The following GRIK2 variants were observed in gnomAD, a reference collection of about 807,000 sequenced individuals.
GRIK2 encodes the protein glutamate ionotropic receptor kainate type subunit 2, also known as glutamate receptor ionotropic, kainate 2.
Under a neutral mutation model 100.3 loss-of-function variants are expected in GRIK2, and 32 were observed. The observed-to-expected ratio is 0.32, with a 90% CI of 0.24 to 0.43. The LOEUF is 0.43. Ranked by LOEUF, GRIK2 falls within the 20% of genes least tolerant of loss-of-function variation. The probability of loss-of-function intolerance (pLI) is 1.00; values close to 1 mark genes in which losing one functional copy is unlikely to be tolerated. For synonymous variants in GRIK2, 417 were observed against 389.4 expected, an observed-to-expected ratio of 1.07 and a Z score of -0.83; for missense variants, 843 against 1,114.9, an observed-to-expected ratio of 0.76 and a Z score of 3.47.
Position 101,557,940 on chromosome 6 carries a change from C to T in GRIK2, c.116-64009C>T, listed in dbSNP as rs546242233. ...TTCCTTCCCTTATTCATTGGCTGAA[C>T]TGCAGGAAACTTTTGGTTTTCTTAA... On this transcript the variant is annotated intron_variant, in intron 2 of 16. Transcript: ENST00000369134. 4.1e-4 allele frequency among the ~76,000 whole-genome samples: 62 copies of T among 152,260 alleles called. 2 individuals carry two copies. The South Asian group carries it at 4.8e-3, about 12-fold the overall frequency.
chr6:101,719,056 GAAC>G (rs1774267486), intron 7 of GRIK2, among the ~76,000 whole-genome samples: 1 of 144,748 alleles, frequency 6.9e-6, no homozygotes, highest in East Asian at 2.1e-4. Flanking sequence ...TACTTTCAAA[GAAC>G]AATATATATG....
At chr6:101,450,048 T>G (rs889895923) in intron 2 of GRIK2, among the ~76,000 whole-genome samples, 2 of 151,764 alleles carry the variant, frequency 1.3e-5, no homozygotes, top group African/African-American at 4.8e-5. Context: ...ATCAATACAT[T>G]GACTACTTGA....
At chr6:101,981,462 TC>T (rs1435506978) in intron 14 of GRIK2, among the ~76,000 whole-genome samples, 19 of 151,886 alleles carry the variant, frequency 1.3e-4, no homozygotes, top group Non-Finnish European at 2.9e-5. Context: ...CAACTGAGCA[TC>T]CTCACTATCC....
chr6:101,882,283 A>G (rs1374874779), intron 11 of GRIK2, among the ~76,000 whole-genome samples: 2 of 152,120 alleles, frequency 1.3e-5, no homozygotes, highest in East Asian at 3.9e-4. Context: ...TAGTATAGAG[A>G]AATATTAATA....
chr6:101,994,742 T>C (rs1794561364), intron 14 of GRIK2, among the ~76,000 whole-genome samples: 1 of 151,882 alleles, frequency 6.6e-6, no homozygotes, highest in African/African-American at 2.4e-5. Context: ...TGCCCCATTT[T>C]TTCCAGAAAA....
intron 7 of GRIK2, among the ~76,000 whole-genome samples, chr6:101,700,165 A>G (rs978034976): frequency 2.6e-5 from 4 of 151,856 alleles, no homozygotes; most frequent in African/African-American, 7.3e-5. Flanking sequence ...ACAAACAAAC[A>G]AACAAAAATC....
At chr6:101,851,671 T>G (rs4839804) in intron 10 of GRIK2, among the ~76,000 whole-genome samples, 16,472 of 151,840 alleles carry the variant, frequency 0.11, 1,928 homozygotes, top group East Asian at 0.66. Context: ...TTTGTGTATT[T>G]TATATTTACT....
intron 4 of GRIK2, among the ~76,000 whole-genome samples, chr6:101,651,543 A>C (rs1222085866): frequency 2.0e-5 from 3 of 152,214 alleles, no homozygotes; most frequent in Non-Finnish European, 2.9e-5. Context: ...GCAACAGAAA[A>C]AAATAGAGCA....
chr6:101,981,829 T>C (rs1403277512), intron 14 of GRIK2, among the ~76,000 whole-genome samples: 1 of 151,832 alleles, frequency 6.6e-6, no homozygotes, highest in African/African-American at 2.4e-5. Context: ...AAAAGTATAT[T>C]TCAAGTTGAA....
intron 7 of GRIK2, among the ~76,000 whole-genome samples, chr6:101,767,222 T>C (rs1261144300): frequency 6.6e-6 from 1 of 152,222 alleles, no homozygotes; most frequent in Non-Finnish European, 1.5e-5. Context: ...TACATATCAA[T>C]CATGAGTAAA....
intron 14 of GRIK2, among the ~76,000 whole-genome samples, chr6:101,954,100 CA>C: frequency 6.6e-6 from 1 of 152,090 alleles, no homozygotes; most frequent in East Asian, 1.9e-4. Flanking sequence ...TAATTCTTTT[CA>C]ATTAATCTGT....
chr6:101,482,179 T>A (rs748628865), intron 2 of GRIK2, among the ~76,000 whole-genome samples: 1 of 152,182 alleles, frequency 6.6e-6, no homozygotes, highest in Non-Finnish European at 1.5e-5. Context: ...GTCTAATAAT[T>A]GTATTCCTCT....
chr6:101,653,306 A>C (rs1781896187), intron 4 of GRIK2, among the ~76,000 whole-genome samples: 1 of 151,946 alleles, frequency 6.6e-6, no homozygotes, highest in Non-Finnish European at 1.5e-5. Context: ...CTAGACTCCT[A>C]ACTTACTTAG....
rs1278323300 is a variant in GRIK2, at chr6:101,988,118, TGTGTGTGTGTGTGTGC to T, written c.2086-47221_2086-47206del. 9.6e-4 allele frequency among the ~76,000 whole-genome samples: 44 copies of T among 45,806 alleles called. 1 individual carries two copies. Among genetic ancestry groups the T allele is most frequent in the African/African-American group, 3.8e-3 (41 of 10,680 alleles). The allele number at this position is 45,806 out of a possible 152,430, so 30.1% of individuals were successfully genotyped here. Reference sequence around the variant, plus strand: ...GTGTGTGTGTGTGTGTGTGTGTGTGTGTGTGTGTGTGTGTGCGCGCGCGCGCGCGCGCGCGCGTGCG... The same window carrying T: ...GTGTGTGTGTGTGTGTGTGTGTGTGTGCGCGCGCGCGCGCGCGCGCGTGCG... On this transcript the variant is annotated intron_variant, in intron 14 of 16. Transcript: ENST00000369134.
At chr6:101,940,308 T>C (rs1193845198) in intron 14 of GRIK2, among the ~76,000 whole-genome samples, 1 of 152,112 alleles carries the variant, frequency 6.6e-6, no homozygotes, top group African/African-American at 2.4e-5. Context: ...AGGACTGCTG[T>C]TTCCCTGGGG....
chr6:101,584,665 T>A (rs1157997868), intron 2 of GRIK2, among the ~76,000 whole-genome samples: 1 of 152,026 alleles, frequency 6.6e-6, no homozygotes, highest in African/African-American at 2.4e-5. Context: ...TTTCAATTTG[T>A]ACATCTTTAG....
At chr6:101,940,395 T>G (rs1371568418) in intron 14 of GRIK2, among the ~76,000 whole-genome samples, 1 of 152,138 alleles carries the variant, frequency 6.6e-6, no homozygotes, top group Non-Finnish European at 1.5e-5. Context: ...TTAGTCAAAC[T>G]CTTACAGCTG....
intron 7 of GRIK2, among the ~76,000 whole-genome samples, chr6:101,780,001 A>T (rs1778989465): frequency 6.6e-6 from 1 of 152,154 alleles, no homozygotes; most frequent in African/African-American, 2.4e-5. Flanking sequence ...GATGTAAATG[A>T]CCACAGATTT....
chr6:101,758,074 C>G (rs905070403), intron 7 of GRIK2, among the ~76,000 whole-genome samples: 3 of 151,976 alleles, frequency 2.0e-5, no homozygotes, highest in Admixed American at 6.6e-5. Context: ...ACAAAAAATA[C>G]TAGCCTGGTG....
Sources: allele counts gnomAD v4.1 joint callset (sites outside exome capture counted in the v4.1 genomes callset), GRCh38; gene constraint gnomAD v4.1.1; transcripts MANE v1.5; gene names NCBI Gene and HGNC (gene_info 2026-07-23, HGNC 2026-07-21).